MCTP2: variants seen among roughly 807,000 people sequenced by gnomAD.
MCTP2 encodes the protein multiple C2 and transmembrane domain-containing protein 2.
Under a neutral mutation model 111.6 loss-of-function variants are expected in MCTP2, and 132 were observed. The observed-to-expected ratio is 1.18, with a 90% CI of 1.03 to 1.37. The LOEUF (loss-of-function observed/expected upper bound fraction) is 1.37, where lower values mean the gene tolerates loss of function less well. MCTP2 is among the 40% of genes most tolerant of loss of function. The probability of loss-of-function intolerance (pLI) is 0.00; values close to 1 mark genes in which losing one functional copy is unlikely to be tolerated. For missense variants in MCTP2, 1,183 were observed against 1,067.9 expected (o/e 1.11, Z -1.50); for synonymous variants, 395 against 387.7 (o/e 1.02, Z -0.22).
chr15:94,389,217 A>G (rs1304200909), intron 14 of MCTP2, among the ~76,000 whole-genome samples: 1 of 152,082 alleles, frequency 6.6e-6, no homozygotes, highest in East Asian at 1.9e-4. Flanking sequence ...TGAAGAATGA[A>G]GGACATTCCA....
At chr15:94,394,467 T>C (rs2081176201) in intron 14 of MCTP2, among the ~76,000 whole-genome samples, 1 of 152,162 alleles carries the variant, frequency 6.6e-6, no homozygotes, top group African/African-American at 2.4e-5. Flanking sequence ...TGTTTAAAAA[T>C]GTTACATTAA....
intron 1 of MCTP2, among the ~76,000 whole-genome samples, chr15:94,297,961 A>G (rs1361392050): frequency 6.7e-6 from 1 of 150,272 alleles, no homozygotes; most frequent in Non-Finnish European, 1.5e-5. Flanking sequence ...TTATCATCTC[A>G]TTCTTCGTTT....
At chr15:94,290,879 A>C (rs977438466) in intron 1 of MCTP2, among the ~76,000 whole-genome samples, 1 of 152,262 alleles carries the variant, frequency 6.6e-6, no homozygotes, top group Admixed American at 6.5e-5. Flanking sequence ...ATGTGTGTGC[A>C]ATAACAGAGC....
intron 12 of MCTP2, among the ~76,000 whole-genome samples, chr15:94,373,815 G>C (rs2079610516): frequency 6.6e-6 from 1 of 152,202 alleles, no homozygotes; most frequent in Non-Finnish European, 1.5e-5. Flanking sequence ...CTTAGGCCCA[G>C]TGTAACCTAA....
intron 1 of MCTP2, among the ~76,000 whole-genome samples, chr15:94,246,180 G>A (rs1406985351): frequency 6.6e-6 from 1 of 152,094 alleles, no homozygotes; most frequent in African/African-American, 2.4e-5. Flanking sequence ...ATTAGGAATG[G>A]ACACTGAAAC....
Position 94,480,254 on chromosome 15 carries a change from T to C in MCTP2, c.*1220T>C, listed in dbSNP as rs2074657340. 4 of 152,214 alleles carry C rather than the reference T, an allele frequency of 2.6e-5. No homozygotes were observed. The South Asian group carries it at 8.3e-4, about 32-fold the overall frequency. 9.4% of individuals were successfully genotyped at this position (152,214 alleles called of 1,614,324 possible). On this transcript the variant is annotated 3_prime_UTR_variant, in exon 23 of 23. Coordinates refer to ENST00000357742, the MANE Select transcript of MCTP2 (RefSeq NM_001385001.1). ...TTTGTTGACACATACTTTGTGCAGTTTTTATGTATGTATGTATTATAAAAA... is the reference window on the plus strand; with the variant it reads ...TTTGTTGACACATACTTTGTGCAGTCTTTATGTATGTATGTATTATAAAAA...
At chr15:94,250,759 G>T (rs902908293) in intron 1 of MCTP2, among the ~76,000 whole-genome samples, 3 of 152,174 alleles carry the variant, frequency 2.0e-5, no homozygotes, top group Non-Finnish European at 4.4e-5. Flanking sequence ...GCTACTTATA[G>T]AGTTCAGTGT....
At chr15:94,330,130 A>G (rs1325973809) in intron 4 of MCTP2, among the ~76,000 whole-genome samples, 1 of 152,214 alleles carries the variant, frequency 6.6e-6, no homozygotes, top group Non-Finnish European at 1.5e-5. Flanking sequence ...AAATGGCAGG[A>G]TCTCCTTTTA....
intron 1 of MCTP2, among the ~76,000 whole-genome samples, chr15:94,244,828 A>G (rs1248486113): frequency 6.9e-6 from 1 of 145,182 alleles, no homozygotes; most frequent in Non-Finnish European, 1.5e-5. Context: ...ACACATATGC[A>G]CCTATGTTTA....
At chr15:94,455,769 A>G (rs976082095) in intron 19 of MCTP2, among the ~76,000 whole-genome samples, 4 of 152,322 alleles carry the variant, frequency 2.6e-5, no homozygotes, top group South Asian at 4.1e-4. Flanking sequence ...GAGTCAATTA[A>G]GGTGTCAATT....
intron 17 of MCTP2, among the ~76,000 whole-genome samples, chr15:94,414,943 G>A (rs2082308187): frequency 1.3e-5 from 2 of 152,156 alleles, no homozygotes; most frequent in Non-Finnish European, 2.9e-5. Context: ...GATACAGGAA[G>A]TGCTGCAGAG....
At chr15:94,454,882 G>A (rs541382243) in intron 19 of MCTP2, among the ~76,000 whole-genome samples, 54 of 152,178 alleles carry the variant, frequency 3.5e-4, no homozygotes, top group Admixed American at 5.9e-4. Context: ...GTACAGTGCC[G>A]TGATCTTGCC....
chr15:94,303,436 G>A (rs1427424095), intron 2 of MCTP2, among the ~76,000 whole-genome samples: 2 of 151,982 alleles, frequency 1.3e-5, no homozygotes, highest in Non-Finnish European at 2.9e-5. Flanking sequence ...CAGATTAAGG[G>A]TGGGTCTGCC....
chr15:94,317,646 C>G (rs1445169988), intron 4 of MCTP2, among the ~76,000 whole-genome samples: 1 of 152,208 alleles, frequency 6.6e-6, no homozygotes, highest in East Asian at 1.9e-4. Flanking sequence ...CCCTTCCACC[C>G]TCCTACCCTC....
rs1437077526 is a variant in MCTP2, at chr15:94,349,751, T to C, written c.1005+4587T>C. On this transcript the variant is annotated intron_variant, in intron 8 of 22. Coordinates refer to ENST00000357742, the MANE Select transcript of MCTP2 (RefSeq NM_001385001.1). ...AGGAGAATGGTGTGAACCTGGGAGG[T>C]GGAGCTTGCAGTGAGCCGAGATCGC... Among the ~76,000 whole-genome samples the C allele has an allele frequency of 1.9e-4, 26 of 135,022 alleles. No individual in the cohort carries two copies. In the East Asian group the frequency reaches 5.4e-3, roughly 28 times the overall value. 88.6% of individuals were successfully genotyped at this position (135,022 alleles called of 152,430 possible). A position where few individuals can be genotyped will look rare whatever the true frequency, so the allele number is the denominator to read the frequency against.
chr15:94,414,590 A>G (rs1025659533), intron 17 of MCTP2, among the ~76,000 whole-genome samples: 2 of 152,186 alleles, frequency 1.3e-5, no homozygotes, highest in African/African-American at 2.4e-5. Flanking sequence ...TTATTGCCTG[A>G]CTAGTGTGTC....
At chr15:94,435,683 G>A (rs1479634084) in intron 17 of MCTP2, among the ~76,000 whole-genome samples, 2 of 128,708 alleles carry the variant, frequency 1.6e-5, no homozygotes, top group African/African-American at 5.6e-5. Flanking sequence ...CCAGGCTGGA[G>A]TGCAGTGGCG....
chr15:94,398,134 C>G (rs2152471436), intron 14 of MCTP2, among the ~76,000 whole-genome samples: 1 of 152,260 alleles, frequency 6.6e-6, no homozygotes, highest in East Asian at 1.9e-4. Flanking sequence ...ACATGCCAGC[C>G]AAGAGAGGAC....
At chr15:94,242,833 C>T (rs1358827190) in intron 1 of MCTP2, among the ~76,000 whole-genome samples, 4 of 150,436 alleles carry the variant, frequency 2.7e-5, no homozygotes, top group Non-Finnish European at 5.9e-5. Flanking sequence ...TGGTAGTTAC[C>T]GTATGATTTG....
Sources: allele counts gnomAD v4.1 joint callset (sites outside exome capture counted in the v4.1 genomes callset), GRCh38; gene constraint gnomAD v4.1.1; transcripts MANE v1.5; gene names NCBI Gene and HGNC (gene_info 2026-07-23, HGNC 2026-07-21).